Variants in WDR93 observed in about 807,000 individuals in gnomAD.
WDR93 encodes WD repeat domain 93, also known as WD repeat-containing protein 93.
Under a neutral mutation model 82.9 loss-of-function variants are expected in WDR93, and 73 were observed. That is an observed-to-expected ratio of 0.88 (90% CI 0.73 to 1.07). WDR93 has a LOEUF of 1.07. WDR93 is among the 50% of genes least tolerant of loss of function. The pLI is 0.00. For synonymous variants in WDR93, 283 were observed against 300.1 expected, an observed-to-expected ratio of 0.94 and a Z score of 0.59; for missense variants, 738 against 826.0, an observed-to-expected ratio of 0.89 and a Z score of 1.31.
At chr15:89,737,012 CG>C (rs995404656) in intron 14 of WDR93, among the ~76,000 whole-genome samples, 5 of 151,926 alleles carry the variant, frequency 3.3e-5, no homozygotes, top group African/African-American at 1.2e-4. Flanking sequence ...AGGATGGTCT[CG>C]ATCTCCTGAC....
chr15:89,723,614 A>C (rs146014031), intron 8 of WDR93, among the ~76,000 whole-genome samples: 1 of 152,258 alleles, frequency 6.6e-6, no homozygotes, highest in East Asian at 1.9e-4. Flanking sequence ...AAATATAGAA[A>C]TATAGATAGA....
chr15:89,692,405 C>T (rs1964938687), intron 1 of WDR93, among the ~76,000 whole-genome samples: 1 of 152,164 alleles, frequency 6.6e-6, no homozygotes, highest in African/African-American at 2.4e-5. Context: ...GAAGTTTTCT[C>T]TAAATACGTG....
At chr15:89,708,541 G>A (rs1965822458) in intron 4 of WDR93, among the ~76,000 whole-genome samples, 1 of 152,156 alleles carries the variant, frequency 6.6e-6, no homozygotes, top group Non-Finnish European at 1.5e-5. Context: ...TGCTAGGGTG[G>A]CTAGGACAAG....
Position 89,737,640 on chromosome 15 carries a change from C to T in WDR93, c.1676C>T (p.Ala559Val). 6.2e-7 allele frequency: 1 copy of T among 1,614,204 alleles called. No homozygotes were observed. Among genetic ancestry groups the T allele is most frequent in the Non-Finnish European group, 8.5e-7 (1 of 1,180,044 alleles). Residue 559 changes from alanine (A) to valine (V), a missense_variant, in exon 15 of 17, where the codon GCC becomes GTC. Coordinates refer to ENST00000268130, the MANE Select transcript of WDR93 (RefSeq NM_020212.2). ...MDVAKREIIC[A>V]FAPPGAFPLE... ...GTGGCCAAGCGTGAAATCATCTGTG[C>T]CTTTGCCCCTCCGGGAGCCTTTCCT... is the stretch of plus-strand genomic sequence containing the variant.
upstream of WDR93, chr15:89,690,512 G>T: frequency 8.0e-7 from 1 of 1,248,118 alleles, no homozygotes; most frequent in Non-Finnish European, 1.1e-6. Context: ...CCCGGGTGCA[G>T]GGGAATAGGC....
chr15:89,701,595 C>A (rs760760359), intron 1 of WDR93, 112 bp from the exon 2 acceptor site: 10 of 892,270 alleles, frequency 1.1e-5, no homozygotes, highest in African/African-American at 1.7e-5. Flanking sequence ...AAGGAAAATG[C>A]CAGTCTGTGG....
At position 89,719,808 on chromosome 15, in the gene WDR93, C is replaced by CT. The variant is rs570342709; in HGVS notation, c.796-2237dup. Among the ~76,000 whole-genome samples, 1,198 of 144,816 alleles carry CT rather than the reference C, an allele frequency of 8.3e-3. 17 individuals are homozygous for CT. The highest frequency in any genetic ancestry group is 0.027 in the African/African-American group (1,069 of 39,570). On this transcript the variant is annotated intron_variant, in intron 7 of 16. Transcript: ENST00000268130. ...CTTTCTTTCTTTTTCTTCTTTTTTTCTTTTTTTTTTGAGATGGAATCTCGC... is the reference window on the plus strand; with the variant it reads ...CTTTCTTTCTTTTTCTTCTTTTTTTCTTTTTTTTTTTGAGATGGAATCTCGC...
chr15:89,731,493 A>T lies in WDR93; in HGVS notation c.1261A>T (p.Ser421Cys). ...TGCGCCCATTGCAGTCTCTCAGCTC[A>T]GCTGCTCCTCCTCCTACCTGGTGCT... ...CAAPIAVSQL[S>C]CSSSYLVLAC... The change falls in exon 12 of 17, where the codon AGC (serine) becomes TGC (cysteine). Residue 421 changes from serine to cysteine, a missense_variant. By Grantham distance (112) the Ser-to-Cys change is moderately radical (BLOSUM62 -1). Coordinates refer to ENST00000268130, the MANE Select transcript of WDR93 (RefSeq NM_020212.2). 1 of 1,614,182 alleles carries T rather than the reference A, an allele frequency of 6.2e-7. No individual in the cohort carries two copies. The highest frequency in any genetic ancestry group is 8.5e-7 in the Non-Finnish European group (1 of 1,180,020).
At chr15:89,690,525 G>T, upstream of WDR93, 1 of 1,401,712 alleles carries the variant, frequency 7.1e-7, no homozygotes, top group Non-Finnish European at 9.8e-7. Context: ...GAATAGGCAC[G>T]GGAGCCGAGT....
chr15:89,731,536 T>C lies in WDR93; in HGVS notation c.1304T>C (p.Val435Ala). ...CTGGTGCTGGCCTGCGAGGATGGTG[T>C]GCTCACGCTGTGGGACCTGGCCAAA... ...SYLVLACEDG[V>A]LTLWDLAKGF... Residue 435 changes from valine (V) to alanine (A), a missense_variant, in exon 12 of 17, where the codon GTG (valine) becomes GCG (alanine). Val to Ala is a moderately conservative substitution (Grantham distance 64). Transcript: ENST00000268130. 6.2e-7 allele frequency: 1 copy of C among 1,614,170 alleles called. No homozygotes were observed. Among genetic ancestry groups the C allele is most frequent in the Non-Finnish European group, 8.5e-7 (1 of 1,180,020 alleles).
At position 89,716,391 on chromosome 15, in the gene WDR93, CAA is replaced by C. The variant is rs375845447; in HGVS notation, c.757-516_757-515del. Among the ~76,000 whole-genome samples the C allele has an allele frequency of 5.0e-4, 76 of 152,248 alleles. No homozygotes were observed. In the South Asian group the frequency reaches 0.015, roughly 30 times the overall value. On this transcript the variant is annotated intron_variant, in intron 6 of 16. Transcript: ENST00000268130. ...ATTCCATAGTATCATACTTGGTACT[CAA>C]AAAGATATATTTTTGTTTGGACTAA... is the stretch of plus-strand genomic sequence containing the variant.
intron 1 of WDR93, 66 bp from the exon 2 acceptor site, chr15:89,701,641 G>C: frequency 7.3e-7 from 1 of 1,363,316 alleles, no homozygotes; most frequent in Non-Finnish European, 1.0e-6. Flanking sequence ...TGCTAGAAAA[G>C]GATGATGTGC....
chr15:89,721,199 T>C (rs1966509788), intron 7 of WDR93: 3 of 152,236 alleles, frequency 2.0e-5, no homozygotes. Context: ...AACATGTTTG[T>C]GTCATTATAT....
At chr15:89,723,391 A>G (rs1467253669) in intron 8 of WDR93, among the ~76,000 whole-genome samples, 1 of 152,046 alleles carries the variant, frequency 6.6e-6, no homozygotes, top group Non-Finnish European at 1.5e-5. Context: ...GTAGTGAGCT[A>G]TGATCACACC....
Position 89,727,210 on chromosome 15 carries a change from G to C in WDR93, c.934G>C (p.Gly312Arg), listed in dbSNP as rs767524554. The C allele has an allele frequency of 6.2e-7, 1 of 1,614,110 alleles. No homozygotes were observed. The highest frequency in any genetic ancestry group is 8.5e-7 in the Non-Finnish European group (1 of 1,180,018). Residue 312 changes from glycine (G) to arginine (R), a missense_variant, in exon 9 of 17, where the codon GGA (glycine) becomes CGA (arginine). By Grantham distance (125) the Gly-to-Arg change is moderately radical. Coordinates refer to ENST00000268130, the MANE Select transcript of WDR93 (RefSeq NM_020212.2). The stretch of plus-strand genomic sequence containing the variant: ...CTTTGCAAAGATCAAGGACTGCTAC[G>C]GACTGGGCTCCGGGCAGAATCATTT... ...EVFAKIKDCYGLGSGQNHFIK... is the reference protein window; with the variant it reads ...EVFAKIKDCYRLGSGQNHFIK...
chr15:89,737,906 T>C, intron 15 of WDR93, 135 bp from the exon 16 acceptor site: 2 of 1,317,538 alleles, frequency 1.5e-6, no homozygotes, highest in Non-Finnish European at 2.1e-6. Flanking sequence ...CAGGGTCTTC[T>C]CTCTGAAGTC....
chr15:89,712,692 C>T lies in WDR93; in HGVS notation c.640+588C>T, dbSNP rs1966048067. The stretch of plus-strand genomic sequence containing the variant: ...GGGTACATGATAGCAGCATGACTCA[C>T]TACTGCTAATACTAACCTTGATCAC... On this transcript the variant is annotated intron_variant, in intron 5 of 16. Coordinates refer to ENST00000268130, the MANE Select transcript of WDR93 (RefSeq NM_020212.2). Among the ~76,000 whole-genome samples the T allele has an allele frequency of 2.0e-5, 3 of 152,136 alleles. No individual in the cohort carries two copies. The South Asian group carries it at 6.2e-4, about 32-fold the overall frequency.
Position 89,727,463 on chromosome 15 carries a change from C to T in WDR93, c.1052+135C>T, listed in dbSNP as rs1024457741. 9.1e-6 allele frequency: 9 copies of T among 990,868 alleles called. No individual in the cohort carries two copies. The African/African-American group carries it at 1.3e-4, about 14-fold the overall frequency. The allele number at this position is 990,868 out of a possible 1,614,324, so 61.4% of individuals were successfully genotyped here. ...TTTCTGGGGCCGGGACAGTGGCCCA[C>T]ATCTGTAATCCCTACACTTTGGGAG... On this transcript the variant is annotated intron_variant, in intron 9 of 16. Transcript: ENST00000268130.
chr15:89,737,191 G>C (rs1567131401), intron 14 of WDR93, among the ~76,000 whole-genome samples: 1 of 152,214 alleles, frequency 6.6e-6, no homozygotes, highest in Non-Finnish European at 1.5e-5. Flanking sequence ...GGCCAGGAGG[G>C]GCTGTTAGAT....
Sources: gnomAD v4.1 joint callset for allele counts (sites outside exome capture counted in the v4.1 genomes callset) on GRCh38, gnomAD v4.1.1 for gene constraint, MANE v1.5 for transcripts, NCBI Gene and HGNC (gene_info 2026-07-23, HGNC 2026-07-21) for gene names.